The following SRSF10 variants were observed in gnomAD, a reference collection of about 807,000 sequenced individuals.
SRSF10 encodes the protein serine and arginine rich splicing factor 10.
SRSF10 carries 9 observed loss-of-function variants against 32.6 expected under a neutral mutation model. That is an observed-to-expected ratio of 0.28 (90% CI 0.17 to 0.48). The LOEUF is 0.48. SRSF10 is among the 20% of genes least tolerant of loss of function. SRSF10 has a pLI of 0.99. For synonymous variants in SRSF10, 105 were observed against 112.4 expected, an observed-to-expected ratio of 0.93 and a Z score of 0.42; for missense variants, 201 against 331.8, an observed-to-expected ratio of 0.61 and a Z score of 3.06.
In SRSF10 at chr1:23,966,017, C is replaced by T. The variant is rs1641433500; in HGVS notation, c.*5125G>A. 1 of 151,824 alleles carries T rather than the reference C, an allele frequency of 6.6e-6. No homozygotes were observed. The highest frequency in any genetic ancestry group is 1.5e-5 in the Non-Finnish European group (1 of 67,820). 9.4% of individuals were successfully genotyped at this position (151,824 alleles called of 1,614,324 possible). A position where few individuals can be genotyped will look rare whatever the true frequency, so the allele number is the denominator to read the frequency against. ...TTGTAATTAAATCTAGTCACTTTGACTCTAAGTAAATTCTAGATCCCATTA... is the reference window on the plus strand; with the variant it reads ...TTGTAATTAAATCTAGTCACTTTGATTCTAAGTAAATTCTAGATCCCATTA... On this transcript the variant is annotated 3_prime_UTR_variant, in exon 6 of 6. Transcript: ENST00000492112.
intron 2 of SRSF10, chr1:23,976,771 AGCC>A (rs2148510369): frequency 6.6e-6 from 1 of 152,370 alleles, no homozygotes; most frequent in Admixed American, 6.5e-5. Flanking sequence ...CAGCAGAGGC[AGCC>A]GAGTATCACT....
chr1:23,972,309 G>C (rs112357156), intron 3 of SRSF10, among the ~76,000 whole-genome samples: 2,978 of 152,128 alleles, frequency 0.02, 99 homozygotes, highest in African/African-American at 0.065. Flanking sequence ...GAGGCTAAGG[G>C]GGGAAATCAC....
chr1:23,978,807 A>G lies in SRSF10; in HGVS notation c.76T>C (p.Leu26=). 6.2e-7 allele frequency: 1 copy of G among 1,606,380 alleles called. No homozygotes were observed. Among genetic ancestry groups the G allele is most frequent in the African/African-American group, 1.3e-5 (1 of 74,922 alleles). Residue 26 remains leucine, a synonymous_variant, in exon 2 of 6, where the codon TTG becomes CTG. Coordinates refer to ENST00000492112, the MANE Select transcript of SRSF10 (RefSeq NM_054016.4). ...NVADDTRSED[L]RREFGRYGPI... is the part of the protein sequence containing the mutation. ...CCATAACGACCAAATTCACGCCGCA[A>G]GTCTTCAGACCTAAAACATCATAAA...
At chr1:23,972,684 C>T (rs1641840486) in intron 3 of SRSF10, among the ~76,000 whole-genome samples, 1 of 151,180 alleles carries the variant, frequency 6.6e-6, no homozygotes, top group African/African-American at 2.4e-5. Context: ...TCAAATAATC[C>T]ACCCGCCTCG....
At chr1:23,974,869 C>A in intron 3 of SRSF10, 105 bp downstream of exon 3, 2 of 807,376 alleles carry the variant, frequency 2.5e-6, no homozygotes, top group Non-Finnish European at 4.1e-6. Flanking sequence ...AAAAAAAGAT[C>A]CCTTTGGGTT....
chr1:23,969,856 A>G lies in SRSF10; in HGVS notation c.*1286T>C, dbSNP rs1337856489. 63 of 985,338 alleles carry G rather than the reference A, an allele frequency of 6.4e-5. No homozygotes were observed. The highest frequency in any genetic ancestry group is 7.6e-5 in the Non-Finnish European group (63 of 829,946). The allele number at this position is 985,338 out of a possible 1,614,324, so 61.0% of individuals were successfully genotyped here. On this transcript the variant is annotated 3_prime_UTR_variant, in exon 6 of 6. Coordinates refer to ENST00000492112, the MANE Select transcript of SRSF10 (RefSeq NM_054016.4). ...ATTACCTTAAATTTCATGGCACCAC[A>G]GAATCACCTAGAATGAGTGTTGTCT... is the stretch of plus-strand genomic sequence containing the variant.
At position 23,967,805 on chromosome 1, in the gene SRSF10, A is replaced by C; in HGVS notation, c.*3337T>G. 1 of 1,589,382 alleles carries C rather than the reference A, an allele frequency of 6.3e-7. No individual in the cohort carries two copies. The highest frequency in any genetic ancestry group is 8.6e-7 in the Non-Finnish European group (1 of 1,165,336). Reference sequence around the variant, plus strand: ...TACAGGATTTTGTTAGTTGAACTGGATGTAGCAGCTTACTGGGCCAAATTT... The same window carrying C: ...TACAGGATTTTGTTAGTTGAACTGGCTGTAGCAGCTTACTGGGCCAAATTT... On this transcript the variant is annotated 3_prime_UTR_variant, in exon 6 of 6. Transcript: ENST00000492112.
chr1:23,973,992 A>AT (rs141826891), intron 3 of SRSF10, among the ~76,000 whole-genome samples: 6,611 of 134,162 alleles, frequency 0.049, 193 homozygotes, highest in African/African-American at 0.085. Context: ...CTCAGCAGCT[A>AT]TTTTTTTTTT....
At position 23,967,659 on chromosome 1, in the gene SRSF10, G is replaced by A. The variant is rs1641517109; in HGVS notation, c.*3483C>T. 6.4e-6 allele frequency: 10 copies of A among 1,560,712 alleles called. No individual in the cohort carries two copies. Among genetic ancestry groups the A allele is most frequent in the South Asian group, 1.1e-5 (1 of 89,826 alleles). On this transcript the variant is annotated 3_prime_UTR_variant, in exon 6 of 6. Coordinates refer to ENST00000492112, the MANE Select transcript of SRSF10 (RefSeq NM_054016.4). ...ACTGCCCTTCTTTGGTTCTTTTTCCGCTTTCAGATCTTTCTTGAAGTGTAG... is the reference window on the plus strand; with the variant it reads ...ACTGCCCTTCTTTGGTTCTTTTTCCACTTTCAGATCTTTCTTGAAGTGTAG...
Position 23,966,583 on chromosome 1 carries a change from GCTCT to G in SRSF10, c.*4555_*4558del, listed in dbSNP as rs1273640557. ...ACATACTAAATCAGTTAGGATAACA[GCTCT>G]CTGTCTGCCTCAAAATAATCTAATT... On this transcript the variant is annotated 3_prime_UTR_variant, in exon 6 of 6. Coordinates refer to ENST00000492112, the MANE Select transcript of SRSF10 (RefSeq NM_054016.4). The G allele has an allele frequency of 7.2e-5, 11 of 152,080 alleles. No individual in the cohort carries two copies. Among genetic ancestry groups the G allele is most frequent in the South Asian group, 2.1e-4 (1 of 4,826 alleles). The allele number at this position is 152,080 out of a possible 1,614,324, so 9.4% of individuals were successfully genotyped here.
chr1:23,971,833 C>CT lies in SRSF10; in HGVS notation c.437+16dup, dbSNP rs762489539. 12 of 1,593,808 alleles carry CT rather than the reference C, an allele frequency of 7.5e-6. No individual in the cohort carries two copies. The highest frequency in any genetic ancestry group is 1.0e-5 in the Non-Finnish European group (12 of 1,174,440). On this transcript the variant is annotated intron_variant, in intron 4 of 5. Transcript: ENST00000492112. ...TACATTTTTTAAACAGATCACTGTG[C>CT]TACACAGCACACTTACTTTCTAGGA...
Position 23,965,818 on chromosome 1 carries a change from A to T in SRSF10, c.*5324T>A, listed in dbSNP as rs1021631924. 1.1e-4 allele frequency: 17 copies of T among 152,006 alleles called. No individual in the cohort carries two copies. Among genetic ancestry groups the T allele is most frequent in the African/African-American group, 4.1e-4 (17 of 41,546 alleles). The allele number at this position is 152,006 out of a possible 1,614,324, so 9.4% of individuals were successfully genotyped here. A position where few individuals can be genotyped will look rare whatever the true frequency, so the allele number is the denominator to read the frequency against. On this transcript the variant is annotated 3_prime_UTR_variant, in exon 6 of 6. Transcript: ENST00000492112. Reference sequence around the variant, plus strand: ...TTTTTTTAAACAAAACCCCAACTCAATATGCACCTTAATTCTCCCCCTTAA... The same window carrying T: ...TTTTTTTAAACAAAACCCCAACTCATTATGCACCTTAATTCTCCCCCTTAA...
rs937599408 is a variant in SRSF10, at chr1:23,968,283, G to C, written c.*2859C>G. 6.6e-6 allele frequency among the ~76,000 whole-genome samples: 1 copy of C among 152,052 alleles called. No individual in the cohort carries two copies. The highest frequency in any genetic ancestry group is 1.5e-5 in the Non-Finnish European group (1 of 67,958). On this transcript the variant is annotated 3_prime_UTR_variant, in exon 6 of 6. Transcript: ENST00000492112. ...CAAGTCTAAAAATAAGTTGACACAA[G>C]TAAAAATAAAAATGAAATTAGGCCT...
At position 23,968,931 on chromosome 1, in the gene SRSF10, C is replaced by A. The variant is rs1485408159; in HGVS notation, c.*2211G>T. ...TTTTAACTACTGTGTAAAAGATGTA[C>A]CTTTCTGGCAAGTTCTATCATTTCC... is the stretch of plus-strand genomic sequence containing the variant. On this transcript the variant is annotated 3_prime_UTR_variant, in exon 6 of 6. Coordinates refer to ENST00000492112, the MANE Select transcript of SRSF10 (RefSeq NM_054016.4). Among the ~76,000 whole-genome samples, 8 of 152,096 alleles carry A rather than the reference C, an allele frequency of 5.3e-5. No individual in the cohort carries two copies. The highest frequency in any genetic ancestry group is 1.2e-4 in the Non-Finnish European group (8 of 67,960).
chr1:23,979,831 G>A (rs1642341312), intron 1 of SRSF10, among the ~76,000 whole-genome samples: 2 of 151,684 alleles, frequency 1.3e-5, no homozygotes, highest in African/African-American at 4.8e-5. Flanking sequence ...TGGGCCAAGG[G>A]GGCGTGAACC....
intron 3 of SRSF10, among the ~76,000 whole-genome samples, chr1:23,974,603 T>C (rs1029668398): frequency 1.3e-5 from 2 of 151,886 alleles, no homozygotes; most frequent in East Asian, 1.9e-4. Context: ...CTGAGGCAGG[T>C]GGATCACCTG....
intron 2 of SRSF10, 154 bp from the exon 3 acceptor site, chr1:23,975,231 T>C (rs4649147): frequency 1 from 657,797 of 660,518 alleles, 327,572 homozygotes; most frequent in East Asian, 1. Flanking sequence ...TTGGATTCAG[T>C]CATTAACACT....
At chr1:23,972,311 G>A (rs1346594019) in intron 3 of SRSF10, among the ~76,000 whole-genome samples, 2 of 152,190 alleles carry the variant, frequency 1.3e-5, no homozygotes, top group East Asian at 3.9e-4. Context: ...GGCTAAGGGG[G>A]GAAATCACTT....
chr1:23,970,098 C>T lies in SRSF10; in HGVS notation c.*1044G>A. The T allele has an allele frequency of 2.0e-6, 2 of 985,394 alleles. No individual in the cohort carries two copies. Among genetic ancestry groups the T allele is most frequent in the South Asian group, 9.4e-5 (2 of 21,286 alleles). 61.0% of individuals were successfully genotyped at this position (985,394 alleles called of 1,614,324 possible). On this transcript the variant is annotated 3_prime_UTR_variant, in exon 6 of 6. Coordinates refer to ENST00000492112, the MANE Select transcript of SRSF10 (RefSeq NM_054016.4). ...AAGCAATATTATGGTCAACAACGCTCCTTAAACTTTAGAATAACTACATAA... is the reference window on the plus strand; with the variant it reads ...AAGCAATATTATGGTCAACAACGCTTCTTAAACTTTAGAATAACTACATAA...
Sources: allele counts gnomAD v4.1 joint callset (sites outside exome capture counted in the v4.1 genomes callset), GRCh38; gene constraint gnomAD v4.1.1; transcripts MANE v1.5; gene names NCBI Gene and HGNC (gene_info 2026-07-23, HGNC 2026-07-21).